The following WDR49 variants were observed in gnomAD, a reference collection of about 807,000 sequenced individuals.
WDR49 encodes WD repeat domain 49, also known as cilia- and flagella-associated protein 337.
WDR49 carries 107 observed loss-of-function variants against 119.5 expected under a neutral mutation model. The ratio of observed to expected loss-of-function variants is 0.90; its 90% CI spans 0.77 to 1.05. The LOEUF is 1.05. WDR49 is among the 50% of genes least tolerant of loss of function. The pLI is 0.00. For synonymous variants in WDR49, 425 were observed against 418.8 expected, an observed-to-expected ratio of 1.01 and a Z score of -0.18; for missense variants, 1,240 against 1,220.5, an observed-to-expected ratio of 1.02 and a Z score of -0.24.
chr3:167,650,962 G>A (rs1718348670), intron 2 of WDR49, among the ~76,000 whole-genome samples: 1 of 151,478 alleles, frequency 6.6e-6, no homozygotes, highest in Admixed American at 6.6e-5. Context: ...TTTAAGCTCA[G>A]GAAATCTGAC....
intron 18 of WDR49, among the ~76,000 whole-genome samples, chr3:167,483,022 AG>A (rs892758568): frequency 6.6e-5 from 10 of 152,308 alleles, no homozygotes; most frequent in African/African-American, 1.9e-4. Flanking sequence ...GTGTGGTAGA[AG>A]GGGGGTAGGA....
At chr3:167,490,574 G>T (rs373302764) in intron 18 of WDR49, among the ~76,000 whole-genome samples, 1 of 151,886 alleles carries the variant, frequency 6.6e-6, no homozygotes, top group Non-Finnish European at 1.5e-5. Context: ...TTTCTTTACC[G>T]GTGCTAGATT....
chr3:167,639,083 T>A (rs1055756239), intron 2 of WDR49, among the ~76,000 whole-genome samples: 1 of 151,798 alleles, frequency 6.6e-6, no homozygotes, highest in Non-Finnish European at 1.5e-5. Flanking sequence ...CTTATCACTA[T>A]CAGCTTTTGT....
intron 6 of WDR49, among the ~76,000 whole-genome samples, chr3:167,602,656 T>C (rs1235348017): frequency 2.6e-5 from 4 of 152,142 alleles, no homozygotes; most frequent in African/African-American, 9.7e-5. Flanking sequence ...GTGTTAAAGT[T>C]ATCCCAGGAG....
intron 8 of WDR49, among the ~76,000 whole-genome samples, chr3:167,570,916 A>G (rs1713902153): frequency 6.6e-6 from 1 of 151,846 alleles, no homozygotes; most frequent in African/African-American, 2.4e-5. Flanking sequence ...CACACCTGTA[A>G]TCCCAGCTAC....
intron 7 of WDR49, among the ~76,000 whole-genome samples, chr3:167,584,491 G>A (rs1290722532): frequency 6.6e-6 from 1 of 151,744 alleles, no homozygotes; most frequent in Admixed American, 6.6e-5. Flanking sequence ...TAGTTCAAAT[G>A]GAAAAAGAAA....
chr3:167,548,712 C>T (rs1323953158), intron 10 of WDR49, among the ~76,000 whole-genome samples: 1 of 151,988 alleles, frequency 6.6e-6, no homozygotes, highest in Non-Finnish European at 1.5e-5. Context: ...TATTATTATA[C>T]TTTAAGTTCC....
intron 6 of WDR49, 27 bp downstream of exon 6, chr3:167,604,274 A>G: frequency 6.2e-7 from 1 of 1,611,356 alleles, no homozygotes; most frequent in Non-Finnish European, 8.5e-7. Context: ...TGAGGCCCTC[A>G]TAGTTATCAT....
At chr3:167,600,752 A>C (rs1212807355) in intron 7 of WDR49, among the ~76,000 whole-genome samples, 1 of 152,244 alleles carries the variant, frequency 6.6e-6, no homozygotes, top group East Asian at 1.9e-4. Context: ...AATGTGGAGG[A>C]TAAATAGGCA....
At chr3:167,644,652 T>C (rs1005885126) in intron 2 of WDR49, among the ~76,000 whole-genome samples, 1 of 152,168 alleles carries the variant, frequency 6.6e-6, no homozygotes, top group South Asian at 2.1e-4. Context: ...ATGTATTTTT[T>C]TCTGTACTTC....
intron 5 of WDR49, among the ~76,000 whole-genome samples, chr3:167,613,138 T>C (rs1343972547): frequency 1.3e-5 from 2 of 152,150 alleles, no homozygotes; most frequent in Non-Finnish European, 2.9e-5. Context: ...TTTATGCTGA[T>C]ATCAAAACAT....
intron 8 of WDR49, among the ~76,000 whole-genome samples, chr3:167,564,024 C>T (rs1001586393): frequency 2.6e-5 from 4 of 152,220 alleles, no homozygotes; most frequent in Non-Finnish European, 4.4e-5. Context: ...AGCATCTAAT[C>T]ATTCACCACT....
At chr3:167,607,758 C>T (rs1716132648) in intron 5 of WDR49, among the ~76,000 whole-genome samples, 1 of 152,154 alleles carries the variant, frequency 6.6e-6, no homozygotes, top group African/African-American at 2.4e-5. Flanking sequence ...CAATCCCAAA[C>T]CAAGCCCCTA....
chr3:167,480,589 T>C (rs1750681191), intron 18 of WDR49, among the ~76,000 whole-genome samples: 1 of 152,306 alleles, frequency 6.6e-6, no homozygotes, highest in South Asian at 2.1e-4. Flanking sequence ...TCATGGAAAT[T>C]ATATGAAAGC....
intron 13 of WDR49, among the ~76,000 whole-genome samples, chr3:167,530,571 A>G (rs931736306): frequency 2.0e-5 from 3 of 150,654 alleles, no homozygotes; most frequent in Non-Finnish European, 4.4e-5. Context: ...CCAATACTTA[A>G]AAAAAAAAAC....
chr3:167,600,868 C>T (rs542630756), intron 7 of WDR49, among the ~76,000 whole-genome samples: 1 of 151,934 alleles, frequency 6.6e-6, no homozygotes, highest in African/African-American at 2.4e-5. Flanking sequence ...ATGATTGGAG[C>T]ATTAAATGAA....
Position 167,650,396 on chromosome 3 carries a change from C to T in WDR49, c.165+2865G>A, listed in dbSNP as rs185229790. Among the ~76,000 whole-genome samples, 356 of 152,304 alleles carry T rather than the reference C, an allele frequency of 2.3e-3. 3 individuals are homozygous for T. Among genetic ancestry groups the T allele is most frequent in the Non-Finnish European group, 2.6e-3 (179 of 68,022 alleles). On this transcript the variant is annotated intron_variant, in intron 2 of 18. Coordinates refer to ENST00000682715, the MANE Select transcript of WDR49 (RefSeq NM_001366157.1). ...GATTCTATGAATAATGCAAGTTTCT[C>T]TCCCTTCAGGCTGATATATGGCTCT...
chr3:167,614,540 T>C (rs977493569), intron 5 of WDR49, among the ~76,000 whole-genome samples: 44 of 152,310 alleles, frequency 2.9e-4, no homozygotes, highest in African/African-American at 9.4e-4. Flanking sequence ...ACCTCTATAA[T>C]TACTTTACAA....
intron 7 of WDR49, among the ~76,000 whole-genome samples, chr3:167,589,178 A>G (rs1229182455): frequency 2.0e-5 from 3 of 152,194 alleles, no homozygotes; most frequent in Admixed American, 1.3e-4. Flanking sequence ...ACCCAGCACC[A>G]TTTATTGAAG....
Sources: gnomAD v4.1 joint callset for allele counts (sites outside exome capture counted in the v4.1 genomes callset) on GRCh38, gnomAD v4.1.1 for gene constraint, MANE v1.5 for transcripts, NCBI Gene and HGNC (gene_info 2026-07-23, HGNC 2026-07-21) for gene names.